Variants in CCSER1 observed in about 807,000 individuals in gnomAD.
CCSER1 encodes the protein coiled-coil serine rich protein 1.
In CCSER1, 41 loss-of-function variants were observed where a neutral mutation model predicts 82.0. The ratio of observed to expected loss-of-function variants is 0.50; its 90% CI spans 0.39 to 0.65. The LOEUF is 0.65. Ranked by LOEUF, CCSER1 falls within the 30% of genes least tolerant of loss-of-function variation. The pLI is 0.00. For synonymous variants in CCSER1, 414 were observed against 383.9 expected, an observed-to-expected ratio of 1.08 and a Z score of -0.92; for missense variants, 1,119 against 1,064.2, an observed-to-expected ratio of 1.05 and a Z score of -0.72.
intron 10 of CCSER1, among the ~76,000 whole-genome samples, chr4:91,225,189 A>T (rs1003797939): frequency 7.1e-5 from 10 of 141,626 alleles, no homozygotes; most frequent in South Asian, 4.3e-4. Flanking sequence ...TATGTATATA[A>T]TTATATATAA....
At chr4:91,185,218 C>T (rs1734411715) in intron 10 of CCSER1, among the ~76,000 whole-genome samples, 4 of 152,184 alleles carry the variant, frequency 2.6e-5, no homozygotes, top group Admixed American at 2.6e-4. Context: ...CCAAATCCTC[C>T]TGTGTGTTTA....
rs150691546 is a variant in CCSER1 at position 90,816,906 on chromosome 4, T to C, written c.2094+1061T>C. Among the ~76,000 whole-genome samples the C allele has an allele frequency of 9.2e-5, 14 of 152,238 alleles. No homozygotes were observed. In the East Asian group the frequency reaches 2.7e-3, roughly 29 times the overall value. On this transcript the variant is annotated intron_variant, in intron 8 of 10. Coordinates refer to ENST00000509176, the MANE Select transcript of CCSER1 (RefSeq NM_001145065.2). ...CAATGTTTTCCCTGAAACTTGATCT[T>C]TATTTAAACAGTGTTCTAGGATTGG...
intron 10 of CCSER1, among the ~76,000 whole-genome samples, chr4:91,390,212 T>G (rs74324292): frequency 0.033 from 4,947 of 152,090 alleles, 258 homozygotes; most frequent in African/African-American, 0.11. Context: ...CCTATTGCTT[T>G]TTTGATAAGA....
intron 10 of CCSER1, among the ~76,000 whole-genome samples, chr4:91,188,647 G>A (rs1399006344): frequency 1.3e-5 from 2 of 152,082 alleles, no homozygotes; most frequent in African/African-American, 2.4e-5. Context: ...AGTCATGTTC[G>A]CTGGTATGTC....
intron 1 of CCSER1, among the ~76,000 whole-genome samples, chr4:90,302,636 A>G (rs1560982232): frequency 1.3e-5 from 2 of 152,110 alleles, no homozygotes; most frequent in Admixed American, 6.6e-5. Flanking sequence ...CTCTGTCTCT[A>G]TGAAATTTTT....
intron 5 of CCSER1, among the ~76,000 whole-genome samples, chr4:90,599,666 C>G (rs936551634): frequency 5.3e-5 from 8 of 152,150 alleles, no homozygotes; most frequent in African/African-American, 1.7e-4. Flanking sequence ...ATGTGACCAT[C>G]CTGAGTTTCT....
intron 4 of CCSER1, among the ~76,000 whole-genome samples, chr4:90,416,115 G>GT (rs1560485206): frequency 6.6e-6 from 1 of 152,078 alleles, no homozygotes; most frequent in Non-Finnish European, 1.5e-5. Flanking sequence ...TGAGGGATGT[G>GT]TTAATTAATT....
At chr4:91,274,726 A>G (rs1742284853) in intron 10 of CCSER1, among the ~76,000 whole-genome samples, 1 of 152,196 alleles carries the variant, frequency 6.6e-6, no homozygotes, top group Non-Finnish European at 1.5e-5. Context: ...TCGTTTGACC[A>G]TTAATGGACA....
intron 10 of CCSER1, among the ~76,000 whole-genome samples, chr4:91,280,616 G>A (rs1742843783): frequency 6.6e-6 from 1 of 152,192 alleles, no homozygotes; most frequent in African/African-American, 2.4e-5. Context: ...GCTGTAGAGA[G>A]TGGCGTTGTT....
At chr4:91,316,432 G>A (rs1560585212) in intron 10 of CCSER1, among the ~76,000 whole-genome samples, 1 of 151,934 alleles carries the variant, frequency 6.6e-6, no homozygotes, top group Non-Finnish European at 1.5e-5. Flanking sequence ...TAATAAGCAA[G>A]AACTGTGTTT....
At chr4:91,579,306 A>ACAC (rs1763614731) in intron 10 of CCSER1, among the ~76,000 whole-genome samples, 1 of 151,370 alleles carries the variant, frequency 6.6e-6, no homozygotes, top group Non-Finnish European at 1.5e-5. Context: ...AATGGTGGGG[A>ACAC]TAGGACTCCT....
At chr4:90,539,652 A>C (rs1022972245) in intron 5 of CCSER1, among the ~76,000 whole-genome samples, 3 of 152,114 alleles carry the variant, frequency 2.0e-5, no homozygotes, top group African/African-American at 4.8e-5. Flanking sequence ...TGTTGAATGA[A>C]CTATAAATTA....
At chr4:90,518,879 A>G (rs936513898) in intron 5 of CCSER1, among the ~76,000 whole-genome samples, 2 of 151,930 alleles carry the variant, frequency 1.3e-5, no homozygotes, top group Non-Finnish European at 3.0e-5. Context: ...GACTGTTTCT[A>G]TTTACACATT....
intron 10 of CCSER1, among the ~76,000 whole-genome samples, chr4:91,119,598 G>T (rs555240855): frequency 2.6e-5 from 4 of 151,998 alleles, no homozygotes; most frequent in Admixed American, 2.0e-4. Context: ...GTTAACTGTA[G>T]ATGTAGTCTG....
At chr4:90,884,104 T>G (rs1419540263) in intron 8 of CCSER1, among the ~76,000 whole-genome samples, 1 of 152,140 alleles carries the variant, frequency 6.6e-6, no homozygotes, top group African/African-American at 2.4e-5. Flanking sequence ...GACCTCTGGA[T>G]AGCTATATCC....
chr4:90,623,706 A>T (rs1243474879), intron 5 of CCSER1, among the ~76,000 whole-genome samples: 1 of 152,226 alleles, frequency 6.6e-6, no homozygotes, highest in African/African-American at 2.4e-5. Context: ...TGGAAATACG[A>T]TGAAACATTC....
Position 90,929,167 on chromosome 4 carries a change from G to A in CCSER1, c.2172+5720G>A, listed in dbSNP as rs537188923. On this transcript the variant is annotated intron_variant, in intron 9 of 10. Transcript: ENST00000509176. The stretch of plus-strand genomic sequence containing the variant: ...GACCTCATTGTATATCAGCGTATCC[G>A]ATTTATCAGAGGTGTGCTGGTGAAA... 1.1e-4 allele frequency among the ~76,000 whole-genome samples: 16 copies of A among 152,004 alleles called. No homozygotes were observed. The South Asian group carries it at 1.7e-3, about 16-fold the overall frequency.
intron 1 of CCSER1, among the ~76,000 whole-genome samples, chr4:90,296,767 T>G (rs565588002): frequency 6.6e-6 from 1 of 152,284 alleles, no homozygotes; most frequent in Admixed American, 6.5e-5. Flanking sequence ...CCCCATTGCT[T>G]GTTTTCCTCA....
chr4:90,610,831 T>C (rs776908928), intron 5 of CCSER1, among the ~76,000 whole-genome samples: 59 of 152,130 alleles, frequency 3.9e-4, no homozygotes, highest in African/African-American at 4.1e-4. Flanking sequence ...ATTAATGAGA[T>C]GAGAAAAATT....
Sources: allele counts gnomAD v4.1 joint callset (sites outside exome capture counted in the v4.1 genomes callset), GRCh38; gene constraint gnomAD v4.1.1; transcripts MANE v1.5; gene names NCBI Gene and HGNC (gene_info 2026-07-23, HGNC 2026-07-21).